Variants in ELN observed in about 807,000 individuals in gnomAD.
The protein encoded by ELN is elastin, also known as tropoelastin.
In ELN, 65 loss-of-function variants were observed where a neutral mutation model predicts 105.8. The observed-to-expected ratio is 0.61, with a 90% CI of 0.50 to 0.75. The LOEUF (loss-of-function observed/expected upper bound fraction) is 0.75, where lower values mean the gene tolerates loss of function less well. Ranked by LOEUF, ELN falls within the 30% of genes least tolerant of loss-of-function variation. The pLI is 0.00. For missense variants in ELN, 882 were observed against 969.4 expected (o/e 0.91, Z 1.20); for synonymous variants, 368 against 389.2 (o/e 0.95, Z 0.64).
In ELN at chr7:74,053,206, G is replaced by C. The variant is rs371757750; in HGVS notation, c.993G>C (p.Pro331=). ...TGCCTGGTGGGCCAGGCTTTGGCCC[G>C]GGAGTAGTTGGTGTCCCAGGAGCTG... ...GLVPGGPGFG[P]GVVGVPGAGV... is the part of the protein sequence containing the mutation. The change falls in exon 18 of 33, where the codon CCG becomes CCC. Residue 331 remains proline, a synonymous_variant. Coordinates refer to ENST00000252034, the MANE Select transcript of ELN (RefSeq NM_000501.4). The C allele has an allele frequency of 3.1e-6, 5 of 1,614,026 alleles. No individual in the cohort carries two copies. In the African/African-American group the frequency reaches 6.7e-5, roughly 22 times the overall value.
intron 26 of ELN, among the ~76,000 whole-genome samples, chr7:74,061,477 C>T (rs1796635949): frequency 6.6e-6 from 1 of 151,722 alleles, no homozygotes; most frequent in African/African-American, 2.4e-5. Context: ...TATGGTGAAA[C>T]CCCATCTCTA....
At chr7:74,028,356 T>C in intron 1 of ELN, 87 bp downstream of exon 1, 1 of 1,465,038 alleles carries the variant, frequency 6.8e-7, no homozygotes, top group South Asian at 1.2e-5. Context: ...GGGGAGACCT[T>C]CGTCCCTGGG....
At chr7:74,044,955 T>C (rs1330068126) in intron 9 of ELN, among the ~76,000 whole-genome samples, 1 of 152,236 alleles carries the variant, frequency 6.6e-6, no homozygotes, top group Non-Finnish European at 1.5e-5. Flanking sequence ...GCTTTTGTGA[T>C]TAACTCCAGC....
chr7:74,032,929 G>C (rs556549436), intron 1 of ELN, among the ~76,000 whole-genome samples: 1 of 152,350 alleles, frequency 6.6e-6, no homozygotes, highest in East Asian at 1.9e-4. Context: ...CTGGCCCTGG[G>C]CCACGGACTG....
intron 29 of ELN, among the ~76,000 whole-genome samples, chr7:74,064,830 C>G (rs1235009132): frequency 6.6e-5 from 10 of 152,160 alleles, no homozygotes; most frequent in South Asian, 2.1e-4. Context: ...GGTGGCCGAC[C>G]TTGTGTGGCC....
chr7:74,029,675 A>G (rs1306350281), intron 1 of ELN, among the ~76,000 whole-genome samples: 3 of 152,178 alleles, frequency 2.0e-5, no homozygotes, highest in African/African-American at 7.2e-5. Flanking sequence ...GGCGGGCCCC[A>G]GCAGGGGCAA....
intron 32 of ELN, among the ~76,000 whole-genome samples, chr7:74,067,649 AATGGTGTGAACCCGGGAGGCGGAGC>A (rs1168983445): frequency 4.0e-5 from 6 of 151,340 alleles, no homozygotes; most frequent in South Asian, 2.1e-4. Context: ...CACGCAGGAG[AATGGTGTGAACCCGGGAGGCGGAGC>A]ATGGTGTGAA....
intron 1 of ELN, among the ~76,000 whole-genome samples, chr7:74,032,091 C>T (rs1788835150): frequency 6.6e-6 from 1 of 152,042 alleles, no homozygotes; most frequent in South Asian, 2.1e-4. Flanking sequence ...GCAAGCAGAA[C>T]ACGAAGGATG....
At chr7:74,044,276 C>A (rs1206399330) in intron 9 of ELN, among the ~76,000 whole-genome samples, 1 of 151,958 alleles carries the variant, frequency 6.6e-6, no homozygotes, top group Non-Finnish European at 1.5e-5. Context: ...AGAAAAGCAG[C>A]CCCCTCAGCC....
At position 74,069,273 on chromosome 7, in the gene ELN, G is replaced by A. The variant is rs1423087592; in HGVS notation, c.*573G>A. ...GATCGCTGTTCCCCACATCTGGGGC[G>A]CTTTTGGGTTGGAAAACCACCCCAC... On this transcript the variant is annotated 3_prime_UTR_variant, in exon 33 of 33. Transcript: ENST00000252034. The A allele has an allele frequency of 1.3e-5, 3 of 237,698 alleles. No homozygotes were observed. Among genetic ancestry groups the A allele is most frequent in the East Asian group, 6.0e-5 (1 of 16,706 alleles). 14.7% of individuals were successfully genotyped at this position (237,698 alleles called of 1,614,324 possible).
intron 9 of ELN, among the ~76,000 whole-genome samples, chr7:74,044,384 C>T (rs1490691374): frequency 2.6e-5 from 4 of 152,146 alleles, no homozygotes; most frequent in Non-Finnish European, 2.9e-5. Context: ...CTCAGGCTAA[C>T]AGACATAAGG....
rs1320437218 is a variant in ELN at position 74,042,622 on chromosome 7, G to A, written c.241G>A (p.Ala81Thr). 9 of 1,613,218 alleles carry A rather than the reference G, an allele frequency of 5.6e-6. No homozygotes were observed. The highest frequency in any genetic ancestry group is 2.2e-5 in the East Asian group (1 of 44,868). ...AGAGLGAGLG[A>T]FPAVTFPGAL... ...CATCCTCCCCTCCGCAGGGCTCGGC[G>A]CCTTCCCCGCAGTTACCTTTCCGGG... Residue 81 changes from alanine (A) to threonine (T), a missense_variant, in exon 6 of 33, where the codon GCC (alanine) becomes ACC (threonine). Physicochemically the swap from Ala to Thr is moderately conservative, Grantham distance 58. Coordinates refer to ENST00000252034, the MANE Select transcript of ELN (RefSeq NM_000501.4).
chr7:74,039,381 G>C (rs1279343830), intron 4 of ELN, among the ~76,000 whole-genome samples: 1 of 152,206 alleles, frequency 6.6e-6, no homozygotes, highest in Non-Finnish European at 1.5e-5. Context: ...AAGACTCAGG[G>C]CTACAGAAGG....
At chr7:74,042,551 C>A (rs1791470653) in intron 5 of ELN, 63 bp from the exon 6 acceptor site, 1 of 1,494,034 alleles carries the variant, frequency 6.7e-7, no homozygotes, top group South Asian at 1.2e-5. Flanking sequence ...CAGGCAGGGC[C>A]AGAGCGTAGG....
In ELN at chr7:74,063,170, G is replaced by T; in HGVS notation, c.1804G>T (p.Val602Phe). ...CCCCGCAGGAGCAGCAGTGCCTGGG[G>T]TCCTTGGAGGGCTCGGGGCTCTCGG... ...AAKYGAAVPG[V>F]LGGLGALGGV... Residue 602 changes from valine (V) to phenylalanine (F), a missense_variant, in exon 27 of 33, where the codon GTC becomes TTC. Coordinates refer to ENST00000252034, the MANE Select transcript of ELN (RefSeq NM_000501.4). This position sits in a 1 kb window ranked among gnomAD's most constrained non-coding sequence, Gnocchi z 4.1. The T allele has an allele frequency of 1.2e-6, 2 of 1,608,706 alleles. No individual in the cohort carries two copies. Among genetic ancestry groups the T allele is most frequent in the South Asian group, 1.1e-5 (1 of 89,010 alleles).
intron 17 of ELN, 54 bp downstream of exon 17, chr7:74,052,037 G>A (rs1167916561): frequency 7.5e-6 from 12 of 1,603,612 alleles, no homozygotes; most frequent in East Asian, 4.5e-5. Flanking sequence ...CATAGACCTC[G>A]GAGACCCTAG....
chr7:74,037,812 A>G (rs377019817), intron 4 of ELN, 73 bp downstream of exon 4: 7 of 1,574,824 alleles, frequency 4.4e-6, no homozygotes, highest in Admixed American at 1.9e-5. Context: ...CCAGCTGGGA[A>G]TGGGACAAGG....
chr7:74,028,787 G>C (rs1446701492), intron 1 of ELN, among the ~76,000 whole-genome samples: 2 of 152,224 alleles, frequency 1.3e-5, no homozygotes, highest in Admixed American at 6.5e-5. Flanking sequence ...GGGCTCCGCT[G>C]AGGATGGGTT....
At chr7:74,031,860 A>AAGGAAG (rs1788747600) in intron 1 of ELN, among the ~76,000 whole-genome samples, 7 of 107,126 alleles carry the variant, frequency 6.5e-5, no homozygotes, top group East Asian at 3.0e-4. Flanking sequence ...AAGGAAGGAA[A>AAGGAAG]GAAGGAAGGA....
Sources: allele counts gnomAD v4.1 joint callset (sites outside exome capture counted in the v4.1 genomes callset), GRCh38; gene constraint gnomAD v4.1.1; non-coding constraint Gnocchi (gnomAD v3.1); transcripts MANE v1.5; gene names NCBI Gene and HGNC (gene_info 2026-07-23, HGNC 2026-07-21).